MAP4K3: variants seen among roughly 807,000 people sequenced by gnomAD.
MAP4K3 encodes the protein MAPK/ERK kinase kinase kinase 3.
Under a neutral mutation model 143.5 loss-of-function variants are expected in MAP4K3, and 94 were observed. The observed-to-expected ratio is 0.65, with a 90% CI of 0.55 to 0.78. The LOEUF is 0.78. Among genes scored for constraint, MAP4K3 ranks in the 30% least tolerant of loss-of-function variants. MAP4K3 has a pLI of 0.00. For synonymous variants in MAP4K3, 416 were observed against 347.2 expected (o/e 1.20, Z -2.20); for missense variants, 1,077 against 1,068.1 (o/e 1.01, Z -0.12).
rs373867659 is a variant in MAP4K3, at chr2:39,355,953, G to A, written c.245+296C>T. ...ACACTGACCTAAGTCCAGAAGAAAGGGGCAAGAGAATGGCATATTTAGATC... is the reference window on the plus strand; with the variant it reads ...ACACTGACCTAAGTCCAGAAGAAAGAGGCAAGAGAATGGCATATTTAGATC... On this transcript the variant is annotated intron_variant, in intron 3 of 33. Coordinates refer to ENST00000263881, the MANE Select transcript of MAP4K3 (RefSeq NM_003618.4). Among the ~76,000 whole-genome samples, 6 of 152,138 alleles carry A rather than the reference G, an allele frequency of 3.9e-5. No individual in the cohort carries two copies. In the East Asian group the frequency reaches 1.2e-3, roughly 29 times the overall value.
At position 39,258,360 on chromosome 2, in the gene MAP4K3, T is replaced by G. The variant is rs899309904; in HGVS notation, c.2458A>C (p.Ile820Leu). Residue 820 changes from isoleucine to leucine, a missense_variant, in exon 31 of 34, where the codon ATT (isoleucine) becomes CTT (leucine). Coordinates refer to ENST00000263881, the MANE Select transcript of MAP4K3 (RefSeq NM_003618.4). Reference protein sequence around the residue: ...LSSELTFDFQIESIVCLQDSV... With the variant: ...LSSELTFDFQLESIVCLQDSV... ...AACTTTGACTTACCTATTGATTCAA[T>G]CTGGAAATCAAAGGTGAGTTCTGAT... 1 of 1,599,486 alleles carries G rather than the reference T, an allele frequency of 6.3e-7. No homozygotes were observed. Among genetic ancestry groups the G allele is most frequent in the Non-Finnish European group, 8.5e-7 (1 of 1,170,782 alleles).
chr2:39,325,464 A>C (rs2148515306), intron 12 of MAP4K3, 54 bp downstream of exon 12: 1 of 1,234,136 alleles, frequency 8.1e-7, no homozygotes, highest in Admixed American at 1.7e-5. Context: ...AGACACACAT[A>C]TATACATACA....
chr2:39,410,696 T>C (rs553546275), intron 1 of MAP4K3, among the ~76,000 whole-genome samples: 1 of 152,350 alleles, frequency 6.6e-6, no homozygotes, highest in Non-Finnish European at 1.5e-5. Context: ...AAACTAGTAC[T>C]TTTCATAATA....
At chr2:39,423,022 A>G (rs949313858) in intron 1 of MAP4K3, among the ~76,000 whole-genome samples, 4 of 152,220 alleles carry the variant, frequency 2.6e-5, no homozygotes, top group Admixed American at 2.6e-4. Context: ...ACTGCATAAC[A>G]TATATCTGAT....
At chr2:39,299,106 G>A (rs1360646105) in intron 16 of MAP4K3, among the ~76,000 whole-genome samples, 1 of 151,828 alleles carries the variant, frequency 6.6e-6, no homozygotes, top group Admixed American at 6.6e-5. Context: ...TAGAAAATGA[G>A]ACTCTAAGGG....
chr2:39,311,268 G>T (rs191762223), intron 13 of MAP4K3, among the ~76,000 whole-genome samples: 8 of 152,194 alleles, frequency 5.3e-5, no homozygotes, highest in Admixed American at 2.0e-4. Context: ...TAGTAGAGAT[G>T]GGCTTTCACC....
chr2:39,284,583 C>T (rs1681682077), intron 21 of MAP4K3, among the ~76,000 whole-genome samples: 2 of 152,002 alleles, frequency 1.3e-5, no homozygotes, highest in South Asian at 4.2e-4. Context: ...CAGTGGCTCA[C>T]GCCTGTAATC....
chr2:39,374,413 G>A (rs754591897), intron 2 of MAP4K3, among the ~76,000 whole-genome samples: 1 of 152,100 alleles, frequency 6.6e-6, no homozygotes, highest in Non-Finnish European at 1.5e-5. Context: ...CAGGTTCGGT[G>A]GTTCACGCTT....
chr2:39,415,695 T>C (rs1031612409), intron 1 of MAP4K3, among the ~76,000 whole-genome samples: 1 of 151,628 alleles, frequency 6.6e-6, no homozygotes, highest in Non-Finnish European at 1.5e-5. Flanking sequence ...CTCACGCCTA[T>C]AATCACAGCA....
At chr2:39,300,916 T>C (rs572041118) in intron 15 of MAP4K3, among the ~76,000 whole-genome samples, 1 of 152,332 alleles carries the variant, frequency 6.6e-6, no homozygotes, top group African/African-American at 2.4e-5. Context: ...GCCTACGGTC[T>C]AGCATTGTTC....
At chr2:39,265,528 G>A (rs1680731808) in intron 27 of MAP4K3, among the ~76,000 whole-genome samples, 1 of 152,172 alleles carries the variant, frequency 6.6e-6, no homozygotes, top group Admixed American at 6.5e-5. Flanking sequence ...TTATTTGTAT[G>A]CACAAATGAA....
At chr2:39,394,135 C>T (rs1666741512) in intron 1 of MAP4K3, among the ~76,000 whole-genome samples, 1 of 152,200 alleles carries the variant, frequency 6.6e-6, no homozygotes, top group African/African-American at 2.4e-5. Flanking sequence ...ACTCCTCTTG[C>T]TAAAAATCTG....
At chr2:39,287,410 G>A (rs1274652245) in intron 20 of MAP4K3, among the ~76,000 whole-genome samples, 2 of 151,260 alleles carry the variant, frequency 1.3e-5, no homozygotes, top group African/African-American at 4.9e-5. Context: ...CGATTCTCCT[G>A]CCTTAGTCTC....
intron 1 of MAP4K3, among the ~76,000 whole-genome samples, chr2:39,422,987 G>C (rs1036414498): frequency 6.6e-6 from 1 of 151,988 alleles, no homozygotes; most frequent in African/African-American, 2.4e-5. Flanking sequence ...AGAATGAAAA[G>C]ACAAGCCACA....
intron 12 of MAP4K3, among the ~76,000 whole-genome samples, chr2:39,323,110 T>C (rs530999004): frequency 6.6e-6 from 1 of 152,326 alleles, no homozygotes; most frequent in East Asian, 1.9e-4. Flanking sequence ...GTTATGAATT[T>C]CTCTTAAGAA....
At chr2:39,423,658 C>T (rs1664962790) in intron 1 of MAP4K3, among the ~76,000 whole-genome samples, 1 of 152,162 alleles carries the variant, frequency 6.6e-6, no homozygotes, top group Admixed American at 6.5e-5. Flanking sequence ...GGAAAGAAGA[C>T]AGTCTGAAAA....
chr2:39,340,994 G>A (rs1665123909), intron 4 of MAP4K3, among the ~76,000 whole-genome samples: 1 of 152,028 alleles, frequency 6.6e-6, no homozygotes, highest in Admixed American at 6.6e-5. Context: ...TCGCAGATTG[G>A]GGGAGAAAAT....
At chr2:39,334,403 A>G (rs1266115070) in intron 6 of MAP4K3, among the ~76,000 whole-genome samples, 1 of 151,012 alleles carries the variant, frequency 6.6e-6, no homozygotes, top group Non-Finnish European at 1.5e-5. Context: ...CAACATGAGG[A>G]AAAAACAGTA....
chr2:39,279,955 T>TAAATAAA (rs1259822672), intron 23 of MAP4K3, among the ~76,000 whole-genome samples: 3 of 151,824 alleles, frequency 2.0e-5, no homozygotes, highest in Non-Finnish European at 2.9e-5. Flanking sequence ...ATTTTCCCTA[T>TAAATAAA]AAATAAAAAA....
Sources: gnomAD v4.1 joint callset for allele counts (sites outside exome capture counted in the v4.1 genomes callset) on GRCh38, gnomAD v4.1.1 for gene constraint, MANE v1.5 for transcripts, NCBI Gene and HGNC (gene_info 2026-07-23, HGNC 2026-07-21) for gene names.